SQOR: variants seen among roughly 807,000 people sequenced by gnomAD.
SQOR encodes sulfide quinone oxidoreductase, also known as sulfide:quinone oxidoreductase, mitochondrial.
Under a neutral mutation model 48.6 loss-of-function variants are expected in SQOR, and 39 were observed. That is an observed-to-expected ratio of 0.80 (90% CI 0.62 to 1.05). The LOEUF (loss-of-function observed/expected upper bound fraction) is 1.05. Ranked by LOEUF, SQOR falls within the 50% of genes least tolerant of loss-of-function variation. The pLI is 0.00. For synonymous variants in SQOR, 220 were observed against 206.2 expected (o/e 1.07, Z -0.57); for missense variants, 561 against 559.9 (o/e 1.00, Z -0.02).
intron 3 of SQOR, among the ~76,000 whole-genome samples, chr15:45,663,723 C>T (rs1220213668): frequency 2.0e-5 from 3 of 151,706 alleles, no homozygotes; most frequent in Admixed American, 6.6e-5. Context: ...GCTGTGATTG[C>T]GCCACTGCAC....
At chr15:45,664,901 A>T (rs1314392403) in intron 3 of SQOR, among the ~76,000 whole-genome samples, 1 of 152,070 alleles carries the variant, frequency 6.6e-6, no homozygotes, top group Non-Finnish European at 1.5e-5. Flanking sequence ...TATTTTTCTC[A>T]ATGTCTCCGG....
chr15:45,676,399 A>G (rs555797241), intron 6 of SQOR, 89 bp downstream of exon 6: 863 of 1,303,424 alleles, frequency 6.6e-4, no homozygotes, highest in Non-Finnish European at 8.5e-4. Flanking sequence ...CCTATCTGCC[A>G]TCATTGTGTG....
intron 1 of SQOR, among the ~76,000 whole-genome samples, chr15:45,644,241 T>C (rs1481183062): frequency 6.6e-6 from 1 of 152,062 alleles, no homozygotes; most frequent in Non-Finnish European, 1.5e-5. Flanking sequence ...GCACCCGCCA[T>C]CATGCCTGGC....
At chr15:45,684,409 G>A (rs1890184251) in intron 7 of SQOR, among the ~76,000 whole-genome samples, 1 of 151,884 alleles carries the variant, frequency 6.6e-6, no homozygotes, top group Non-Finnish European at 1.5e-5. Flanking sequence ...CAGTTACCTT[G>A]TAGAATACCC....
rs748915657 is a variant in SQOR at position 45,691,012 on chromosome 15, TC to T, written c.1336del (p.His446IlefsTer2). The T allele has an allele frequency of 1.9e-6, 3 of 1,614,204 alleles. No individual in the cohort carries two copies. In the Admixed American group the frequency reaches 5.0e-5, roughly 27 times the overall value. On this transcript the variant is annotated frameshift_variant, in exon 10 of 10. Transcript: ENST00000260324. LOFTEE classifies it high-confidence loss of function. ...GGPAFLRKLFHLGMS is the reference protein window; with the variant it reads ...GGPAFLRKLFXLGMS Reference sequence around the variant, plus strand: ...GACCAGCGTTTCTGCGCAAGTTGTTTCATCTAGGTATGAGTTAAGGATGGCT... The same window carrying T: ...GACCAGCGTTTCTGCGCAAGTTGTTTATCTAGGTATGAGTTAAGGATGGCT...
chr15:45,661,850 A>C, intron 2 of SQOR, 105 bp from the exon 3 acceptor site: 1 of 1,205,598 alleles, frequency 8.3e-7, no homozygotes, highest in Non-Finnish European at 1.1e-6. Flanking sequence ...CGATGCTCTA[A>C]AGGTCAGGAG....
At chr15:45,657,942 C>T (rs1052206772) in intron 1 of SQOR, among the ~76,000 whole-genome samples, 3 of 152,050 alleles carry the variant, frequency 2.0e-5, no homozygotes, top group Non-Finnish European at 4.4e-5. Flanking sequence ...TGAGCCGGAG[C>T]CACTCAAGGT....
intron 1 of SQOR, among the ~76,000 whole-genome samples, chr15:45,654,100 T>G (rs1185298056): frequency 2.2e-5 from 3 of 138,136 alleles, no homozygotes; most frequent in African/African-American, 8.3e-5. Context: ...CCAGCCTGGG[T>G]GACAGAGTGA....
In SQOR at chr15:45,687,642, T is replaced by C. The variant is rs142680060; in HGVS notation, c.1049-695T>C. On this transcript the variant is annotated intron_variant, in intron 7 of 9. Coordinates refer to ENST00000260324, the MANE Select transcript of SQOR (RefSeq NM_021199.4). ...ATGCATGAAACAAAACGATGGAATT[T>C]GAACATTTTCCTAATAAAAAAGGCA... Among the ~76,000 whole-genome samples, 4 of 152,314 alleles carry C rather than the reference T, an allele frequency of 2.6e-5. No individual in the cohort carries two copies. The East Asian group carries it at 7.7e-4, about 29-fold the overall frequency.
intron 1 of SQOR, among the ~76,000 whole-genome samples, chr15:45,651,366 C>T (rs545771825): frequency 1.4e-4 from 21 of 152,310 alleles, no homozygotes; most frequent in African/African-American, 3.4e-4. Context: ...CTGGCAGCCC[C>T]GGTTCCCGCC....
intron 2 of SQOR, among the ~76,000 whole-genome samples, chr15:45,659,427 G>A (rs969661924): frequency 4.6e-5 from 7 of 152,128 alleles, no homozygotes; most frequent in African/African-American, 1.7e-4. Context: ...ACTGCAAATT[G>A]GGTGGCTTAA....
intron 1 of SQOR, among the ~76,000 whole-genome samples, chr15:45,654,103 C>T (rs1595573959): frequency 8.0e-6 from 1 of 124,882 alleles, no homozygotes; most frequent in East Asian, 2.4e-4. Flanking sequence ...GCCTGGGTGA[C>T]AGAGTGAGAC....
At chr15:45,638,953 A>G (rs889583338) in intron 1 of SQOR, among the ~76,000 whole-genome samples, 2 of 152,184 alleles carry the variant, frequency 1.3e-5, no homozygotes, top group African/African-American at 4.8e-5. Flanking sequence ...TGGACTTTCA[A>G]TCTCCAGAAC....
chr15:45,681,036 G>A (rs951504857), intron 6 of SQOR, among the ~76,000 whole-genome samples: 1 of 151,854 alleles, frequency 6.6e-6, no homozygotes, highest in African/African-American at 2.4e-5. Context: ...GAGCAAGACC[G>A]AGTCTCTAAT....
intron 9 of SQOR, 193 bp downstream of exon 9, chr15:45,689,410 T>C: frequency 2.3e-6 from 1 of 436,502 alleles, no homozygotes; most frequent in Non-Finnish European, 4.0e-6. Flanking sequence ...TATCATCTGC[T>C]ACCTTACTTT....
intron 1 of SQOR, among the ~76,000 whole-genome samples, chr15:45,650,412 C>T (rs775589212): frequency 1.2e-4 from 18 of 152,292 alleles, no homozygotes; most frequent in African/African-American, 2.6e-4. Context: ...CTGGTGGGTT[C>T]GTGGTCTCCC....
chr15:45,666,337 A>AT (rs1427092064), intron 3 of SQOR, among the ~76,000 whole-genome samples: 1 of 152,154 alleles, frequency 6.6e-6, no homozygotes, highest in Non-Finnish European at 1.5e-5. Context: ...CACTCACTAG[A>AT]TGGAGTTCCT....
intron 7 of SQOR, among the ~76,000 whole-genome samples, chr15:45,684,133 G>A (rs1431859742): frequency 2.6e-5 from 4 of 152,022 alleles, no homozygotes; most frequent in African/African-American, 9.7e-5. Context: ...GGCTGGTCTC[G>A]AACTCCTGGC....
At chr15:45,675,814 A>G (rs1046782839) in intron 5 of SQOR, among the ~76,000 whole-genome samples, 6 of 152,174 alleles carry the variant, frequency 3.9e-5, no homozygotes, top group Non-Finnish European at 7.4e-5. Context: ...ATGAATAAAC[A>G]TTCCGTTCTA....
Sources: gnomAD v4.1 joint callset for allele counts (sites outside exome capture counted in the v4.1 genomes callset) on GRCh38, gnomAD v4.1.1 for gene constraint, MANE v1.5 for transcripts, NCBI Gene and HGNC (gene_info 2026-07-23, HGNC 2026-07-21) for gene names.